The following ATP8A2 variants were observed in gnomAD, a reference collection of about 807,000 sequenced individuals.
ATP8A2 encodes ATPase phospholipid transporting 8A2.
In ATP8A2, 100 loss-of-function variants were observed where a neutral mutation model predicts 165.6. The ratio of observed to expected loss-of-function variants is 0.60; its 90% confidence interval spans 0.51 to 0.71. ATP8A2 has a LOEUF of 0.71. Among genes scored for constraint, ATP8A2 ranks in the 30% least tolerant of loss-of-function variants. The probability of loss-of-function intolerance (pLI) is 0.00; values close to 1 mark genes in which losing one functional copy is unlikely to be tolerated. For synonymous variants in ATP8A2, 543 were observed against 548.8 expected (o/e 0.99, Z 0.15); for missense variants, 1,227 against 1,479.5 (o/e 0.83, Z 2.80).
At chr13:25,937,362 C>CTTTTTTTTTTTTTTTTTTTTTTTTTTT (rs1555293658) in intron 33 of ATP8A2, among the ~76,000 whole-genome samples, 2 of 38,802 alleles carry the variant, frequency 5.2e-5, no homozygotes, top group Admixed American at 4.6e-4. Flanking sequence ...TTCTTTCTTT[C>CTTTTTTTTTTTTTTTTTTTTTTTTTTT]TTTTTTTTTT....
chr13:25,513,821 G>A (rs1181710065), intron 2 of ATP8A2, among the ~76,000 whole-genome samples: 1 of 152,230 alleles, frequency 6.6e-6, no homozygotes, highest in Non-Finnish European at 1.5e-5. Flanking sequence ...GTCAGGCGTG[G>A]CGGCGCGCGC....
At chr13:25,397,910 C>A (rs1924777) in intron 1 of ATP8A2, among the ~76,000 whole-genome samples, 122,993 of 152,014 alleles carry the variant, frequency 0.81, 50,347 homozygotes, top group East Asian at 0.96. Context: ...TGAAAGAGTT[C>A]AGCTTCACCT....
At chr13:25,452,433 C>T (rs1213591618) in intron 1 of ATP8A2, among the ~76,000 whole-genome samples, 2 of 152,106 alleles carry the variant, frequency 1.3e-5, no homozygotes, top group Non-Finnish European at 2.9e-5. Context: ...AACATTATGA[C>T]TGTTTTTTTT....
chr13:25,531,263 A>ATATATATGTTATATATGATATATATGT (rs1555291099), intron 4 of ATP8A2, among the ~76,000 whole-genome samples: 45 of 85,492 alleles, frequency 5.3e-4, no homozygotes, highest in Non-Finnish European at 8.7e-4. Flanking sequence ...GATATATATG[A>ATATATATGTTATATATGATATATATGT]TATATATGAT....
At chr13:25,570,535 G>T (rs552909816) in intron 16 of ATP8A2, among the ~76,000 whole-genome samples, 2 of 152,274 alleles carry the variant, frequency 1.3e-5, no homozygotes, top group South Asian at 4.1e-4. Context: ...GAGCTAAAGC[G>T]CAGGAGCTGC....
intron 24 of ATP8A2, among the ~76,000 whole-genome samples, chr13:25,604,417 AAG>A (rs2040465381): frequency 6.6e-6 from 1 of 152,192 alleles, no homozygotes; most frequent in African/African-American, 2.4e-5. Context: ...GAGAAAACAA[AAG>A]AAGTTTACAG....
rs767047448 is a variant in ATP8A2, at chr13:25,774,879, C to T, written c.2599C>T (p.His867Tyr). 1 of 1,613,524 alleles carries T rather than the reference C, an allele frequency of 6.2e-7. No homozygotes were observed. Among genetic ancestry groups the T allele is most frequent in the African/African-American group, 1.3e-5 (1 of 75,018 alleles). The change falls in exon 27 of 37, where the codon CAT becomes TAT. Residue 867 changes from histidine to tyrosine, a missense_variant. Physicochemically the swap from His to Tyr is moderately conservative, Grantham distance 83 (BLOSUM62 2). This residue lies in a region of ATP8A2 where 592 missense variants were observed against 785.6 expected (regional missense o/e 0.75). Coordinates refer to ENST00000381655, the MANE Select transcript of ATP8A2 (RefSeq NM_016529.6). The part of the protein sequence containing the change: ...FSYLEKLLLV[H>Y]GAWSYNRVTK... The stretch of plus-strand genomic sequence containing the variant: ...CTACTTAGAGAAGCTTCTGTTGGTT[C>T]ATGGAGCCTGGAGCTACAACCGGGT...
At chr13:25,415,617 A>G (rs556225249) in intron 1 of ATP8A2, among the ~76,000 whole-genome samples, 1 of 152,244 alleles carries the variant, frequency 6.6e-6, no homozygotes, top group African/African-American at 2.4e-5. Flanking sequence ...GCCCTAACTG[A>G]CATCCTGAGT....
chr13:25,781,773 G>T (rs2044886392), intron 27 of ATP8A2, among the ~76,000 whole-genome samples: 1 of 152,174 alleles, frequency 6.6e-6, no homozygotes, highest in Non-Finnish European at 1.5e-5. Flanking sequence ...ATTACTACAG[G>T]CGTGACCCCT....
At chr13:25,477,200 T>A (rs1391222343) in intron 2 of ATP8A2, among the ~76,000 whole-genome samples, 1 of 152,210 alleles carries the variant, frequency 6.6e-6, no homozygotes, top group Non-Finnish European at 1.5e-5. Flanking sequence ...CCAAAAAAAA[T>A]CTGTGCCATT....
Position 25,795,855 on chromosome 13 carries a change from A to T in ATP8A2, c.2679+20896A>T, listed in dbSNP as rs151224101. Among the ~76,000 whole-genome samples, 594 of 152,146 alleles carry T rather than the reference A, an allele frequency of 3.9e-3. 4 individuals are homozygous for T. Among genetic ancestry groups the T allele is most frequent in the African/African-American group, 0.014 (565 of 41,496 alleles). The stretch of plus-strand genomic sequence containing the variant: ...TAATTAGTCCTTAGAGAGAAGAACC[A>T]TCAAAACTTGGTAGGTGGTGACAGC... On this transcript the variant is annotated intron_variant, in intron 27 of 36. Transcript: ENST00000381655.
At chr13:25,439,397 C>T (rs1483102348) in intron 1 of ATP8A2, among the ~76,000 whole-genome samples, 1 of 152,130 alleles carries the variant, frequency 6.6e-6, no homozygotes, top group Non-Finnish European at 1.5e-5. Flanking sequence ...TGTATGAGGG[C>T]TCCAGACTCT....
At chr13:25,654,538 T>C (rs1439175034) in intron 24 of ATP8A2, among the ~76,000 whole-genome samples, 1 of 152,180 alleles carries the variant, frequency 6.6e-6, no homozygotes, top group Admixed American at 6.5e-5. Context: ...GTTGTTATGA[T>C]GTTAAGTCAT....
rs888104431 is a variant in ATP8A2 at position 25,581,137 on chromosome 13, T to G, written c.2008-682T>G. On this transcript the variant is annotated intron_variant, in intron 22 of 36. Transcript: ENST00000381655. ...TCAAGAGTTGGATCTTCCCACAGTC[T>G]GTGACCAAGTAGAGGTGCTATGTCC... 3.9e-5 allele frequency among the ~76,000 whole-genome samples: 6 copies of G among 152,176 alleles called. No homozygotes were observed. In the South Asian group the frequency reaches 1.0e-3, roughly 26 times the overall value.
intron 25 of ATP8A2, among the ~76,000 whole-genome samples, chr13:25,723,743 C>T (rs1411661894): frequency 6.6e-6 from 1 of 152,044 alleles, no homozygotes; most frequent in Admixed American, 6.6e-5. Context: ...CAGGATTTCT[C>T]ACCCTCTGGG....
In ATP8A2 at chr13:25,949,086, C is replaced by T. The variant is rs568654957; in HGVS notation, c.3184-12489C>T. On this transcript the variant is annotated intron_variant, in intron 33 of 36. Transcript: ENST00000381655. Reference sequence around the variant, plus strand: ...GGAGGGGTGAGCAAAGTACCTTCTCCCTCTGCTGTGGGAAGCATGAGTAAC... The same window carrying T: ...GGAGGGGTGAGCAAAGTACCTTCTCTCTCTGCTGTGGGAAGCATGAGTAAC... 5.3e-5 allele frequency among the ~76,000 whole-genome samples: 8 copies of T among 152,338 alleles called. No individual in the cohort carries two copies. In the Middle Eastern group the frequency reaches 0.01, roughly 194 times the overall value.
chr13:25,731,063 AG>A (rs1267695764), intron 25 of ATP8A2, among the ~76,000 whole-genome samples: 2 of 151,396 alleles, frequency 1.3e-5, no homozygotes, highest in Non-Finnish European at 2.9e-5. Flanking sequence ...GCAAAAAAGA[AG>A]GAGAGGGGAG....
intron 24 of ATP8A2, among the ~76,000 whole-genome samples, chr13:25,696,257 T>C (rs2137894414): frequency 6.6e-6 from 1 of 151,912 alleles, no homozygotes; most frequent in East Asian, 1.9e-4. Flanking sequence ...GCTTTGTTTT[T>C]CCATTTCTAA....
At chr13:25,925,083 C>G (rs1477656349) in intron 33 of ATP8A2, among the ~76,000 whole-genome samples, 1 of 152,172 alleles carries the variant, frequency 6.6e-6, no homozygotes, top group Non-Finnish European at 1.5e-5. Context: ...ATAAAATTCT[C>G]AGTAATAACT....
Sources: allele counts gnomAD v4.1 joint callset (sites outside exome capture counted in the v4.1 genomes callset), GRCh38; gene constraint gnomAD v4.1.1; regional missense constraint gnomAD v4.1.1; transcripts MANE v1.5; gene names NCBI Gene and HGNC (gene_info 2026-07-23, HGNC 2026-07-21).